The following CFAP69 variants were observed in gnomAD, a reference collection of about 807,000 sequenced individuals.
CFAP69 encodes the protein cilia and flagella associated protein 69.
Under a neutral mutation model 123.0 loss-of-function variants are expected in CFAP69, and 92 were observed. The ratio of observed to expected loss-of-function variants is 0.75; its 90% CI spans 0.63 to 0.89. CFAP69 has a LOEUF of 0.89. CFAP69 is among the 40% of genes least tolerant of loss of function. CFAP69 has a pLI of 0.00. For synonymous variants in CFAP69, 380 were observed against 364.3 expected (o/e 1.04, Z -0.49); for missense variants, 1,067 against 1,096.9 (o/e 0.97, Z 0.39).
rs1208564506 is a variant in CFAP69 at position 90,286,358 on chromosome 7, C to T, written c.1615C>T (p.Leu539Phe). The stretch of plus-strand genomic sequence containing the variant: ...TTTGGAAATCCAGTCTGATATATTA[C>T]TTATCCTATCTGGCCTTTGTGAGAA... ...IVLEIQSDIL[L>F]ILSGLCENHI... Residue 539 changes from leucine (L) to phenylalanine (F), a missense_variant, in exon 14 of 23, where the codon CTT becomes TTT. By Grantham distance (22) the Leu-to-Phe change is conservative (BLOSUM62 0). Transcript: ENST00000389297. 6 of 1,611,968 alleles carry T rather than the reference C, an allele frequency of 3.7e-6. No homozygotes were observed. Among genetic ancestry groups the T allele is most frequent in the Non-Finnish European group, 5.1e-6 (6 of 1,179,174 alleles).
At chr7:90,302,883 A>G (rs906813357) in intron 17 of CFAP69, 3 of 152,196 alleles carry the variant, frequency 2.0e-5, no homozygotes, top group East Asian at 1.9e-4. Context: ...TAGAAATACT[A>G]TTGAATCTGT....
chr7:90,304,455 A>G (rs760610284), intron 18 of CFAP69: 111 of 1,216,074 alleles, frequency 9.1e-5, no homozygotes, highest in Non-Finnish European at 1.1e-4. Context: ...AGTTTATCAA[A>G]CACTCTTCAG....
intron 17 of CFAP69, chr7:90,301,469 C>G (rs1792796840): frequency 6.6e-6 from 1 of 152,150 alleles, no homozygotes; most frequent in South Asian, 2.1e-4. Context: ...TTCTGACCCT[C>G]TCCCTCCTCC....
chr7:90,323,477 A>G, the CFAP69 span, among the ~76,000 whole-genome samples: 7 of 152,208 alleles, frequency 4.6e-5, no homozygotes, highest in Admixed American at 4.6e-4. Flanking sequence ...TAGATATTGA[A>G]TTTAGACTTT....
intron 12 of CFAP69, among the ~76,000 whole-genome samples, chr7:90,280,466 G>A (rs555527519): frequency 9.8e-5 from 15 of 152,332 alleles, no homozygotes; most frequent in East Asian, 3.9e-4. Context: ...ACAGTGTTGC[G>A]ATTACAGGCG....
At position 90,261,954 on chromosome 7, in the gene CFAP69, G is replaced by T; in HGVS notation, c.254G>T (p.Arg85Met). The change falls in exon 4 of 23, where the codon AGG becomes ATG. Residue 85 changes from arginine to methionine, a missense_variant. Coordinates refer to ENST00000389297, the MANE Select transcript of CFAP69 (RefSeq NM_001039706.3). ...VQCYQNGLPL[R>M]DLAQIFKILN... Reference sequence around the variant, plus strand: ...TAACTAAAAATATTAAAGCCATTAAGGGATTTAGCACAGATATTTAAAATT... The same window carrying T: ...TAACTAAAAATATTAAAGCCATTAATGGATTTAGCACAGATATTTAAAATT... The T allele has an allele frequency of 6.5e-7, 1 of 1,534,738 alleles. No homozygotes were observed. The highest frequency in any genetic ancestry group is 8.8e-7 in the Non-Finnish European group (1 of 1,133,116).
chr7:90,300,163 A>ATTTTT, intron 17 of CFAP69, 104 bp downstream of exon 17: 3 of 878,508 alleles, frequency 3.4e-6, no homozygotes, highest in Non-Finnish European at 4.2e-6. Flanking sequence ...CTTTGTCTAA[A>ATTTTT]GTTTTTTTTT....
chr7:90,301,592 G>GT (rs1792819165), intron 17 of CFAP69: 1 of 152,064 alleles, frequency 6.6e-6, no homozygotes, highest in Non-Finnish European at 1.5e-5. Flanking sequence ...TTGGTTTTCT[G>GT]TTCCTGTGTT....
At chr7:90,248,633 C>T (rs1796600375) in intron 1 of CFAP69, among the ~76,000 whole-genome samples, 1 of 152,144 alleles carries the variant, frequency 6.6e-6, no homozygotes, top group Non-Finnish European at 1.5e-5. Context: ...TTGTTATTTT[C>T]ATTCCATGTT....
intron 15 of CFAP69, among the ~76,000 whole-genome samples, chr7:90,295,604 G>T (rs149260361): frequency 6.6e-6 from 1 of 152,178 alleles, no homozygotes; most frequent in African/African-American, 2.4e-5. Flanking sequence ...GTTGCCAGAA[G>T]GATGTTACAG....
chr7:90,288,305 T>C lies in CFAP69; in HGVS notation c.1728T>C (p.Ser576=). ...AAACAGACCCCAGGAAGTTACAGAG[T>C]GGCTTAGGCTATAATGTACTTCTTT... The part of the protein sequence containing the change: ...VMKTDPRKLQ[S]GLGYNVLLFS... Residue 576 remains serine (S), a synonymous_variant, in exon 15 of 23, where the codon AGT becomes AGC. Coordinates refer to ENST00000389297, the MANE Select transcript of CFAP69 (RefSeq NM_001039706.3). The C allele has an allele frequency of 1.9e-6, 3 of 1,612,134 alleles. No homozygotes were observed. The highest frequency in any genetic ancestry group is 2.5e-6 in the Non-Finnish European group (3 of 1,178,686).
chr7:90,257,305 T>C (rs1797773524), intron 2 of CFAP69, among the ~76,000 whole-genome samples: 1 of 152,212 alleles, frequency 6.6e-6, no homozygotes, highest in Non-Finnish European at 1.5e-5. Context: ...AATAATAGTT[T>C]ATTTTTGATA....
chr7:90,259,177 C>T (rs953065790), intron 3 of CFAP69, among the ~76,000 whole-genome samples: 6 of 152,120 alleles, frequency 3.9e-5, no homozygotes, highest in African/African-American at 1.4e-4. Context: ...CTTTGGGAGG[C>T]CAAGACAGGA....
At chr7:90,313,261 AG>A (rs1435824693), downstream of CFAP69, among the ~76,000 whole-genome samples, 2 of 152,208 alleles carry the variant, frequency 1.3e-5, no homozygotes, top group African/African-American at 2.4e-5. Context: ...TTTTCAGGTG[AG>A]CAGGATCAAT....
At chr7:90,320,190 C>G in the CFAP69 span, among the ~76,000 whole-genome samples, 1 of 152,188 alleles carries the variant, frequency 6.6e-6, no homozygotes, top group Non-Finnish European at 1.5e-5. Flanking sequence ...CTACATGTAA[C>G]ATAGGAAGTA....
At chr7:90,296,247 G>A (rs2040514) in intron 15 of CFAP69, among the ~76,000 whole-genome samples, 52,897 of 151,914 alleles carry the variant, frequency 0.35, 10,053 homozygotes, top group East Asian at 0.68. Context: ...ATGTCGACAA[G>A]GCCTGTAAAT....
At chr7:90,245,772 C>G (rs562654185) in intron 1 of CFAP69, among the ~76,000 whole-genome samples, 7 of 152,268 alleles carry the variant, frequency 4.6e-5, no homozygotes, top group African/African-American at 1.7e-4. Context: ...TGGGGACCAG[C>G]GCTGTGTGGT....
chr7:90,309,425 C>T, intron 22 of CFAP69, 58 bp downstream of exon 22: 1 of 967,838 alleles, frequency 1.0e-6, no homozygotes, highest in South Asian at 1.8e-5. Flanking sequence ...AGTGTTTGAA[C>T]AACTGTGCAA....
Position 90,261,965 on chromosome 7 carries a change from C to A in CFAP69, c.265C>A (p.Gln89Lys), listed in dbSNP as rs752360384. ...ATTAAAGCCATTAAGGGATTTAGCA[C>A]AGATATTTAAAATTCTGAATCTGTG... Reference protein sequence around the residue: ...QNGLPLRDLAQIFKILNLCSG... With the variant: ...QNGLPLRDLAKIFKILNLCSG... Residue 89 changes from glutamine to lysine, a missense_variant, in exon 4 of 23, where the codon CAG (glutamine) becomes AAG (lysine). Physicochemically the swap from Gln to Lys is moderately conservative, Grantham distance 53 (BLOSUM62 1). Transcript: ENST00000389297. The A allele has an allele frequency of 3.8e-6, 6 of 1,585,396 alleles. No homozygotes were observed. The highest frequency in any genetic ancestry group is 8.6e-7 in the Non-Finnish European group (1 of 1,164,574).
Sources: allele counts gnomAD v4.1 joint callset (sites outside exome capture counted in the v4.1 genomes callset), GRCh38; gene constraint gnomAD v4.1.1; transcripts MANE v1.5; gene names NCBI Gene and HGNC (gene_info 2026-07-23, HGNC 2026-07-21).